Variants in RAD51B observed in about 807,000 individuals in gnomAD.
RAD51B encodes the protein RAD51 paralog B.
RAD51B carries 38 observed loss-of-function variants against 42.2 expected under a neutral mutation model. The observed-to-expected ratio is 0.90, with a 90% CI of 0.70 to 1.18. The LOEUF (loss-of-function observed/expected upper bound fraction) is 1.18, where lower values mean the gene tolerates loss of function less well. RAD51B is among the 50% of genes most tolerant of loss of function. RAD51B has a pLI of 0.00. For missense variants in RAD51B, 373 were observed against 400.7 expected, an observed-to-expected ratio of 0.93 and a Z score of 0.59; for synonymous variants, 154 against 145.2, an observed-to-expected ratio of 1.06 and a Z score of -0.43.
At chr14:67,981,072 G>C (rs2140271628) in intron 7 of RAD51B, among the ~76,000 whole-genome samples, 1 of 152,274 alleles carries the variant, frequency 6.6e-6, no homozygotes, top group South Asian at 2.1e-4. Flanking sequence ...ACATCGGATA[G>C]AGTATGGTGG....
chr14:68,335,063 G>A (rs930110132), intron 8 of RAD51B, among the ~76,000 whole-genome samples: 2 of 149,882 alleles, frequency 1.3e-5, no homozygotes, highest in Non-Finnish European at 1.5e-5. Context: ...TTGTGGGGCC[G>A]AGGCAGGCAG....
chr14:68,641,802 C>A (rs932042233), intron 10 of RAD51B, among the ~76,000 whole-genome samples: 1 of 151,420 alleles, frequency 6.6e-6, no homozygotes, highest in South Asian at 2.1e-4. Flanking sequence ...TTCAAGTGAT[C>A]CTCCTGCATT....
At chr14:68,373,337 A>G (rs138527875) in intron 8 of RAD51B, among the ~76,000 whole-genome samples, 41 of 152,328 alleles carry the variant, frequency 2.7e-4, no homozygotes, top group Non-Finnish European at 3.7e-4. Context: ...TCAAGGCCAC[A>G]TATCTAGGAA....
chr14:67,867,848 C>T (rs757145850), intron 5 of RAD51B, among the ~76,000 whole-genome samples: 4 of 152,178 alleles, frequency 2.6e-5, no homozygotes, highest in African/African-American at 9.7e-5. Context: ...ATTGTCTCCA[C>T]TTTGTGCTTG....
At chr14:68,672,887 T>A (rs1437111938) in intron 11 of RAD51B, among the ~76,000 whole-genome samples, 1 of 152,232 alleles carries the variant, frequency 6.6e-6, no homozygotes, top group Non-Finnish European at 1.5e-5. Context: ...TCCTGATTAG[T>A]CTGCAATACA....
chr14:68,340,046 A>G (rs915160988), intron 8 of RAD51B, among the ~76,000 whole-genome samples: 1 of 152,264 alleles, frequency 6.6e-6, no homozygotes, highest in Non-Finnish European at 1.5e-5. Flanking sequence ...GGAATGTAAC[A>G]TAGTGCCTGG....
chr14:68,256,061 A>G (rs778239165), intron 7 of RAD51B, among the ~76,000 whole-genome samples: 22 of 152,236 alleles, frequency 1.4e-4, no homozygotes, highest in Non-Finnish European at 1.5e-5. Context: ...ATCTGGATCC[A>G]GGATATTATA....
At chr14:68,066,217 G>C (rs192038184) in intron 7 of RAD51B, among the ~76,000 whole-genome samples, 4 of 151,816 alleles carry the variant, frequency 2.6e-5, no homozygotes, top group Non-Finnish European at 4.4e-5. Context: ...ATTAAATAAG[G>C]CAGGATAATA....
chr14:68,627,436 A>G (rs370865279), intron 10 of RAD51B: 4 of 152,240 alleles, frequency 2.6e-5, no homozygotes, highest in Non-Finnish European at 5.9e-5. Context: ...CCTAGCATAC[A>G]AGTCACGAGA....
intron 10 of RAD51B, among the ~76,000 whole-genome samples, chr14:68,639,778 G>T (rs1367837131): frequency 5.3e-5 from 8 of 151,988 alleles, no homozygotes; most frequent in Admixed American, 2.0e-4. Context: ...TGTTTTTTTT[G>T]TTGTTTTGTT....
At position 68,065,699 on chromosome 14, in the gene RAD51B, C is replaced by T. The variant is rs78225859; in HGVS notation, c.756+178495C>T. Reference sequence around the variant, plus strand: ...TCTTGTGGATTTAGGTTTTGAGTGGCTGGGATTGAGGTGCTGCAACCCTTG... The same window carrying T: ...TCTTGTGGATTTAGGTTTTGAGTGGTTGGGATTGAGGTGCTGCAACCCTTG... On this transcript the variant is annotated intron_variant, in intron 7 of 10. Transcript: ENST00000471583. Among the ~76,000 whole-genome samples, 873 of 152,186 alleles carry T rather than the reference C, an allele frequency of 5.7e-3. 10 individuals are homozygous for T. Among genetic ancestry groups the T allele is most frequent in the African/African-American group, 0.02 (831 of 41,494 alleles).
intron 4 of RAD51B, 32 bp from the exon 5 acceptor site, chr14:67,864,971 T>G (rs2042282395): frequency 9.4e-7 from 1 of 1,060,130 alleles, no homozygotes; most frequent in Non-Finnish European, 1.2e-6. Context: ...CTTTTTTTTT[T>G]TTTTTTTTTT....
intron 9 of RAD51B, among the ~76,000 whole-genome samples, chr14:68,436,130 T>C (rs1020110927): frequency 2.6e-5 from 4 of 152,216 alleles, no homozygotes; most frequent in African/African-American, 9.6e-5. Flanking sequence ...CTAGATTTTC[T>C]TCTAGGATTC....
At chr14:68,227,127 T>G (rs1038936367) in intron 7 of RAD51B, among the ~76,000 whole-genome samples, 3 of 152,190 alleles carry the variant, frequency 2.0e-5, no homozygotes, top group Non-Finnish European at 4.4e-5. Flanking sequence ...CACAAGTGTG[T>G]GGCCAGAGAT....
At chr14:68,168,397 C>A (rs528134313) in intron 7 of RAD51B, among the ~76,000 whole-genome samples, 4 of 152,024 alleles carry the variant, frequency 2.6e-5, no homozygotes, top group African/African-American at 7.2e-5. Context: ...GCAGTTTTCT[C>A]GTTTACCAAC....
At chr14:67,903,146 C>T (rs2043667649) in intron 7 of RAD51B, among the ~76,000 whole-genome samples, 1 of 152,184 alleles carries the variant, frequency 6.6e-6, no homozygotes, top group Non-Finnish European at 1.5e-5. Flanking sequence ...GCGTGAGCCA[C>T]CGCGCCTGGC....
chr14:67,945,377 TTTGAA>T (rs1248136757), intron 7 of RAD51B, among the ~76,000 whole-genome samples: 2 of 152,318 alleles, frequency 1.3e-5, no homozygotes, highest in East Asian at 3.9e-4. Context: ...GTCAAAAATC[TTTGAA>T]TTGATTTTTC....
At chr14:68,569,748 G>C (rs1191928741) in intron 10 of RAD51B, among the ~76,000 whole-genome samples, 1 of 152,206 alleles carries the variant, frequency 6.6e-6, no homozygotes, top group Non-Finnish European at 1.5e-5. Context: ...GGGCTCTCGG[G>C]TTTGCCATGG....
chr14:68,249,855 C>T (rs897983269), intron 7 of RAD51B, among the ~76,000 whole-genome samples: 2 of 152,186 alleles, frequency 1.3e-5, no homozygotes, highest in African/African-American at 4.8e-5. Context: ...TCATAAACTA[C>T]ATGACTTTTG....
Sources: gnomAD v4.1 joint callset for allele counts (sites outside exome capture counted in the v4.1 genomes callset) on GRCh38, gnomAD v4.1.1 for gene constraint, MANE v1.5 for transcripts, NCBI Gene and HGNC (gene_info 2026-07-23, HGNC 2026-07-21) for gene names.